Variants in FAF2 observed in about 807,000 individuals in gnomAD.
FAF2 encodes the protein FAS-associated factor 2.
In FAF2, 9 loss-of-function variants were observed where a neutral mutation model predicts 62.3. The ratio of observed to expected loss-of-function variants is 0.14; its 90% confidence interval spans 0.09 to 0.25. FAF2 has a LOEUF of 0.25. Ranked by LOEUF, FAF2 falls within the 10% of genes least tolerant of loss-of-function variation. The pLI is 1.00. For missense variants in FAF2, 368 were observed against 556.2 expected (o/e 0.66, Z 3.40); for synonymous variants, 202 against 198.0 (o/e 1.02, Z -0.17).
chr5:176,477,224 C>A (rs187858911), intron 1 of FAF2, among the ~76,000 whole-genome samples: 1 of 141,558 alleles, frequency 7.1e-6, no homozygotes, highest in Admixed American at 7.4e-5. Context: ...AGATTACAGG[C>A]ATGAGCCACC....
chr5:176,506,255 CA>C (rs1235709908), intron 10 of FAF2, among the ~76,000 whole-genome samples: 49 of 148,208 alleles, frequency 3.3e-4, no homozygotes, highest in African/African-American at 1.2e-3. Flanking sequence ...AGATAATTGG[CA>C]AAACTTGAAT....
At chr5:176,468,985 CTA>C (rs1264409298) in intron 1 of FAF2, among the ~76,000 whole-genome samples, 22 of 152,104 alleles carry the variant, frequency 1.4e-4, no homozygotes, top group Admixed American at 9.8e-4. Context: ...TGCCTCATAC[CTA>C]TAGTCCCAGC....
At chr5:176,493,289 A>T (rs754351) in intron 5 of FAF2, among the ~76,000 whole-genome samples, 1 of 151,908 alleles carries the variant, frequency 6.6e-6, no homozygotes, top group Non-Finnish European at 1.5e-5. Flanking sequence ...CTGAGCACCT[A>T]CTGTATGCCA....
chr5:176,476,963 C>A (rs1412431628), intron 1 of FAF2, among the ~76,000 whole-genome samples: 1 of 151,842 alleles, frequency 6.6e-6, no homozygotes, highest in Non-Finnish European at 1.5e-5. Context: ...GCGCCCACCA[C>A]CATGCCCGGC....
At chr5:176,454,764 T>G (rs2113714896) in intron 1 of FAF2, among the ~76,000 whole-genome samples, 1 of 152,344 alleles carries the variant, frequency 6.6e-6, no homozygotes, top group South Asian at 2.1e-4. Flanking sequence ...GTGGAAGCTC[T>G]CTTAACCTTA....
intron 1 of FAF2, among the ~76,000 whole-genome samples, chr5:176,463,790 C>T (rs1319428964): frequency 1.4e-5 from 2 of 142,992 alleles, no homozygotes; most frequent in Non-Finnish European, 3.0e-5. Context: ...AGTGCAGTGG[C>T]GTGATCTTGG....
rs148307543 is a variant in FAF2 at position 176,454,028 on chromosome 5, C to G, written c.63+5558C>G. On this transcript the variant is annotated intron_variant, in intron 1 of 10. Coordinates refer to ENST00000261942, the MANE Select transcript of FAF2 (RefSeq NM_014613.3). ...CCGAGACCGCACCACTGCACTCCAG[C>G]CTGGGCAAGAGCGAGACTCTAAAAA... Among the ~76,000 whole-genome samples, 87 of 150,670 alleles carry G rather than the reference C, an allele frequency of 5.8e-4. 1 individual carries two copies. The highest frequency in any genetic ancestry group is 2.1e-3 in the African/African-American group (85 of 41,018).
Position 176,499,076 on chromosome 5 carries a change from A to G in FAF2, c.1002A>G (p.Arg334=), listed in dbSNP as rs1195485733. The G allele has an allele frequency of 1.3e-6, 2 of 1,586,486 alleles. No individual in the cohort carries two copies. Among genetic ancestry groups the G allele is most frequent in the Admixed American group, 3.6e-5 (2 of 55,094 alleles). ...EVQQQKLAEE[R]RRQNLQEEKE... is the part of the protein sequence containing the mutation. ...AACAGCAAAAGTTGGCAGAGGAGAG[A>G]CGGCGGCAGGTAATGGACGTGTGGC... The change falls in exon 9 of 11, where the codon AGA becomes AGG. Residue 334 remains arginine, a synonymous_variant. Coordinates refer to ENST00000261942, the MANE Select transcript of FAF2 (RefSeq NM_014613.3).
intron 1 of FAF2, among the ~76,000 whole-genome samples, chr5:176,463,969 A>G (rs548192586): frequency 6.6e-6 from 1 of 152,220 alleles, no homozygotes; most frequent in Admixed American, 6.5e-5. Context: ...ACCTCAAGTG[A>G]TCTGCCTGCC....
intron 10 of FAF2, among the ~76,000 whole-genome samples, chr5:176,504,336 C>A (rs1359024003): frequency 6.6e-6 from 1 of 151,848 alleles, no homozygotes; most frequent in Non-Finnish European, 1.5e-5. Flanking sequence ...ATAGTCCCAG[C>A]CTACTTTGGG....
intron 1 of FAF2, among the ~76,000 whole-genome samples, chr5:176,450,083 GA>G (rs1758136756): frequency 6.6e-6 from 1 of 152,204 alleles, no homozygotes; most frequent in African/African-American, 2.4e-5. Context: ...CAAATGCTGA[GA>G]AAATAAATAT....
chr5:176,493,155 G>C (rs1241658044), intron 5 of FAF2, among the ~76,000 whole-genome samples: 3 of 152,212 alleles, frequency 2.0e-5, no homozygotes, highest in Non-Finnish European at 4.4e-5. Flanking sequence ...GCAGCCTCCA[G>C]AATTCCTGAA....
intron 1 of FAF2, among the ~76,000 whole-genome samples, 176 bp from the exon 2 acceptor site, chr5:176,479,012 C>T (rs996595053): frequency 3.9e-5 from 6 of 152,164 alleles, no homozygotes; most frequent in Non-Finnish European, 7.3e-5. Flanking sequence ...TAGTTCTTTA[C>T]GCATCTAGAA....
chr5:176,452,896 G>A (rs924145274), intron 1 of FAF2, among the ~76,000 whole-genome samples: 1 of 152,302 alleles, frequency 6.6e-6, no homozygotes, highest in East Asian at 1.9e-4. Flanking sequence ...CTCCACAGGG[G>A]TCAGTACAGA....
chr5:176,509,819 C>A lies in FAF2; in HGVS notation c.*2869C>A, dbSNP rs2041706975. On this transcript the variant is annotated 3_prime_UTR_variant, in exon 11 of 11. Coordinates refer to ENST00000261942, the MANE Select transcript of FAF2 (RefSeq NM_014613.3). Reference sequence around the variant, plus strand: ...AAAATGACTGAGAAGGAGCGATAACCCCCAGAATGCAAAATCAGGGGCATC... The same window carrying A: ...AAAATGACTGAGAAGGAGCGATAACACCCAGAATGCAAAATCAGGGGCATC... 1.3e-5 allele frequency: 2 copies of A among 152,584 alleles called. No homozygotes were observed. Among genetic ancestry groups the A allele is most frequent in the Admixed American group, 1.3e-4 (2 of 15,272 alleles). The allele number at this position is 152,584 out of a possible 1,614,324, so 9.5% of individuals were successfully genotyped here.
At chr5:176,485,779 G>A (rs77620005) in intron 2 of FAF2, among the ~76,000 whole-genome samples, 2,061 of 151,888 alleles carry the variant, frequency 0.014, 43 homozygotes, top group African/African-American at 0.047. Flanking sequence ...GCCCTGGCTG[G>A]TCTCGAATTT....
In FAF2 at chr5:176,481,203, C is replaced by T. The variant is rs182347820; in HGVS notation, c.132+1947C>T. Among the ~76,000 whole-genome samples, 246 of 152,072 alleles carry T rather than the reference C, an allele frequency of 1.6e-3. 1 individual carries two copies. Among genetic ancestry groups the T allele is most frequent in the African/African-American group, 5.8e-3 (241 of 41,518 alleles). ...CTGGGATTATAGGTGTGCACCACCA[C>T]GCCCGGCTAATTTTTTGTATTTTTA... is the stretch of plus-strand genomic sequence containing the variant. On this transcript the variant is annotated intron_variant, in intron 2 of 10. Transcript: ENST00000261942.
rs1330086413 is a variant in FAF2 at position 176,451,901 on chromosome 5, T to A, written c.63+3431T>A. Among the ~76,000 whole-genome samples, 28 of 43,700 alleles carry A rather than the reference T, an allele frequency of 6.4e-4. 1 individual carries two copies. The highest frequency in any genetic ancestry group is 2.7e-3 in the African/African-American group (26 of 9,552). The allele number at this position is 43,700 out of a possible 152,430, so 28.7% of individuals were successfully genotyped here. On this transcript the variant is annotated intron_variant, in intron 1 of 10. Coordinates refer to ENST00000261942, the MANE Select transcript of FAF2 (RefSeq NM_014613.3). ...ATATATATATATATATATTTTTTTT[T>A]TTTTTTTTTTTTTTTTTTTTGAGAC...
At chr5:176,495,510 A>ATT (rs55981414) in intron 7 of FAF2, among the ~76,000 whole-genome samples, 9 of 132,896 alleles carry the variant, frequency 6.8e-5, no homozygotes, top group African/African-American at 2.0e-4. Context: ...TTGGACACCA[A>ATT]TTTTTTTTTT....
Sources: allele counts gnomAD v4.1 joint callset (sites outside exome capture counted in the v4.1 genomes callset), GRCh38; gene constraint gnomAD v4.1.1; transcripts MANE v1.5; gene names NCBI Gene and HGNC (gene_info 2026-07-23, HGNC 2026-07-21).